MACROD2: variants seen among roughly 807,000 people sequenced by gnomAD.
MACROD2 encodes the protein ADP-ribose glycohydrolase MACROD2.
A neutral mutation model predicts 70.4 loss-of-function variants in MACROD2; 36 were observed. The ratio of observed to expected loss-of-function variants is 0.51; its 90% CI spans 0.39 to 0.68. The LOEUF is 0.68. MACROD2 is among the 30% of genes least tolerant of loss of function. MACROD2 has a pLI of 0.00. For missense variants in MACROD2, 496 were observed against 538.4 expected, an observed-to-expected ratio of 0.92 and a Z score of 0.78; for synonymous variants, 172 against 178.8, an observed-to-expected ratio of 0.96 and a Z score of 0.30.
At chr20:15,817,556 C>T (rs2147097359) in intron 8 of MACROD2, among the ~76,000 whole-genome samples, 1 of 152,322 alleles carries the variant, frequency 6.6e-6, no homozygotes, top group East Asian at 1.9e-4. Flanking sequence ...AGCCTCATTT[C>T]TGACATACCA....
chr20:14,502,898 T>C (rs1209743143), intron 4 of MACROD2, among the ~76,000 whole-genome samples: 1 of 152,160 alleles, frequency 6.6e-6, no homozygotes. Flanking sequence ...TCGGTATGTA[T>C]AGTGGTCATC....
In MACROD2 at chr20:15,600,444, CA is replaced by C. The variant is rs572358254; in HGVS notation, c.645+100603del. Among the ~76,000 whole-genome samples the C allele has an allele frequency of 1.7e-3, 266 of 152,214 alleles. 1 individual carries two copies. The highest frequency in any genetic ancestry group is 6.6e-3 in the Admixed American group (101 of 15,286). On this transcript the variant is annotated intron_variant, in intron 8 of 17. Transcript: ENST00000684519. ...TTAATCGTTTTCTTATGATCTTCAT[CA>C]AAAAAGTTACCTGTAAAACCCAGGA...
chr20:14,672,900 C>T (rs777201329), intron 4 of MACROD2, among the ~76,000 whole-genome samples: 2 of 152,156 alleles, frequency 1.3e-5, no homozygotes, highest in Non-Finnish European at 2.9e-5. Context: ...TAAACTTGAA[C>T]TTCATTCTTA....
At chr20:14,649,716 T>C (rs1985578820) in intron 4 of MACROD2, among the ~76,000 whole-genome samples, 1 of 152,164 alleles carries the variant, frequency 6.6e-6, no homozygotes, top group South Asian at 2.1e-4. Flanking sequence ...TTCAGCTATA[T>C]CTCTGTAAGT....
At chr20:14,462,405 T>G (rs183889802) in intron 3 of MACROD2, among the ~76,000 whole-genome samples, 12 of 152,230 alleles carry the variant, frequency 7.9e-5, no homozygotes, top group African/African-American at 2.9e-4. Flanking sequence ...TGTAAATTTG[T>G]TTGAGTTCAT....
chr20:15,522,258 C>T (rs985354240), intron 8 of MACROD2, among the ~76,000 whole-genome samples: 1 of 152,086 alleles, frequency 6.6e-6, no homozygotes, highest in Non-Finnish European at 1.5e-5. Flanking sequence ...AAGAGGTAGC[C>T]CTATTACCAT....
chr20:15,653,885 T>C (rs147078023), intron 8 of MACROD2, among the ~76,000 whole-genome samples: 1 of 152,232 alleles, frequency 6.6e-6, no homozygotes, highest in African/African-American at 2.4e-5. Flanking sequence ...GGGGCTGGAA[T>C]TTAGGCCAGC....
intron 8 of MACROD2, among the ~76,000 whole-genome samples, chr20:15,617,584 A>G (rs2146722144): frequency 6.6e-6 from 1 of 152,274 alleles, no homozygotes; most frequent in Non-Finnish European, 1.5e-5. Context: ...AGATTGGGGG[A>G]AAATGCAAAG....
chr20:15,778,747 AG>A (rs2147033800), intron 8 of MACROD2, among the ~76,000 whole-genome samples: 1 of 152,198 alleles, frequency 6.6e-6, no homozygotes, highest in African/African-American at 2.4e-5. Flanking sequence ...CAGCATGAGA[AG>A]GGAATCTGAG....
chr20:15,064,320 A>AACC lies in MACROD2; in HGVS notation c.419-165615_419-165613dup, dbSNP rs755505790. Among the ~76,000 whole-genome samples, 66 of 152,234 alleles carry AACC rather than the reference A, an allele frequency of 4.3e-4. 1 individual carries two copies. Among genetic ancestry groups the AACC allele is most frequent in the Admixed American group, 5.9e-4 (9 of 15,292 alleles). ...GCTAGAAGCTGCAAGGCCACCCCAGAACCACCAAGCCCAGTGGAACGTCAG... is the reference window on the plus strand; with the variant it reads ...GCTAGAAGCTGCAAGGCCACCCCAGAACCACCACCAAGCCCAGTGGAACGTCAG... On this transcript the variant is annotated intron_variant, in intron 5 of 17. Coordinates refer to ENST00000684519, the MANE Select transcript of MACROD2 (RefSeq NM_001351661.2).
At chr20:15,482,215 A>G (rs1452466369) in intron 7 of MACROD2, among the ~76,000 whole-genome samples, 1 of 152,220 alleles carries the variant, frequency 6.6e-6, no homozygotes, top group African/African-American at 2.4e-5. Flanking sequence ...CTCTTAAAGA[A>G]CAAACTCACA....
intron 6 of MACROD2, among the ~76,000 whole-genome samples, chr20:15,232,329 T>C (rs556719001): frequency 1.3e-5 from 2 of 152,034 alleles, no homozygotes; most frequent in Non-Finnish European, 2.9e-5. Context: ...GTTATTAGGA[T>C]GAAAAATAAA....
At chr20:14,396,205 G>C (rs1322588836) in intron 3 of MACROD2, among the ~76,000 whole-genome samples, 1 of 152,230 alleles carries the variant, frequency 6.6e-6, no homozygotes, top group East Asian at 1.9e-4. Flanking sequence ...GTACTCTGCT[G>C]TTAGTGAGTA....
chr20:15,759,832 C>T (rs1229891781), intron 8 of MACROD2, among the ~76,000 whole-genome samples: 1 of 152,174 alleles, frequency 6.6e-6, no homozygotes, highest in Non-Finnish European at 1.5e-5. Context: ...AGAAGGGAAA[C>T]ATCAGTGAAT....
intron 5 of MACROD2, among the ~76,000 whole-genome samples, chr20:14,875,141 G>T (rs908636287): frequency 6.6e-6 from 1 of 152,044 alleles, no homozygotes; most frequent in Non-Finnish European, 1.5e-5. Context: ...CTAGCACTTT[G>T]GGAGGCTGAG....
chr20:14,685,409 T>G (rs1037395471), intron 5 of MACROD2, among the ~76,000 whole-genome samples: 3 of 152,184 alleles, frequency 2.0e-5, no homozygotes, highest in African/African-American at 7.2e-5. Flanking sequence ...ATGTAAAGGC[T>G]GATTGGCAAT....
chr20:15,320,588 A>C (rs2077863828), intron 6 of MACROD2, among the ~76,000 whole-genome samples: 1 of 152,162 alleles, frequency 6.6e-6, no homozygotes, highest in African/African-American at 2.4e-5. Context: ...TCACCACAAC[A>C]AATTGTTGTA....
intron 3 of MACROD2, among the ~76,000 whole-genome samples, chr20:14,373,550 C>T (rs1007769279): frequency 3.9e-5 from 6 of 152,090 alleles, no homozygotes; most frequent in African/African-American, 9.7e-5. Flanking sequence ...AGCCCCTATA[C>T]ACATAAACAC....
chr20:15,950,132 G>A (rs755252845), intron 12 of MACROD2, among the ~76,000 whole-genome samples: 1 of 152,128 alleles, frequency 6.6e-6, no homozygotes, highest in Non-Finnish European at 1.5e-5. Flanking sequence ...ACATTTACTA[G>A]TTAAGTGTAG....
Sources: gnomAD v4.1 joint callset for allele counts (sites outside exome capture counted in the v4.1 genomes callset) on GRCh38, gnomAD v4.1.1 for gene constraint, MANE v1.5 for transcripts, NCBI Gene and HGNC (gene_info 2026-07-23, HGNC 2026-07-21) for gene names.